UBE2W: variants seen among roughly 807,000 people sequenced by gnomAD.
UBE2W encodes the protein ubiquitin-conjugating enzyme E2 W.
A neutral mutation model predicts 27.2 loss-of-function variants in UBE2W; 18 were observed. The ratio of observed to expected loss-of-function variants is 0.66; its 90% CI spans 0.46 to 0.98. UBE2W has a LOEUF of 0.98. Among genes scored for constraint, UBE2W ranks in the 50% least tolerant of loss-of-function variants. The probability of loss-of-function intolerance (pLI) is 0.00; values close to 1 mark genes in which losing one functional copy is unlikely to be tolerated. For missense variants in UBE2W, 90 were observed against 180.2 expected (o/e 0.50, Z 2.87); for synonymous variants, 53 against 57.2 (o/e 0.93, Z 0.33).
chr8:73,865,453 A>C (rs1022770979), intron 1 of UBE2W, among the ~76,000 whole-genome samples: 8 of 152,180 alleles, frequency 5.3e-5, no homozygotes, highest in African/African-American at 1.9e-4. Context: ...CTCTACCAAA[A>C]ATACAAAAAT....
At position 73,793,051 on chromosome 8, in the gene UBE2W, G is replaced by GA; in HGVS notation, c.*1050dup. On this transcript the variant is annotated 3_prime_UTR_variant, in exon 6 of 6. Transcript: ENST00000602593. ...ACTCACAAGTAAAGAAAATTTACAA[G>GA]AAAAAACTTAACAAAAGTTTCAATA... The GA allele has an allele frequency of 1.0e-6, 1 of 985,436 alleles. No homozygotes were observed. Among genetic ancestry groups the GA allele is most frequent in the East Asian group, 1.1e-4 (1 of 8,816 alleles). The allele number at this position is 985,436 out of a possible 1,614,324, so 61.0% of individuals were successfully genotyped here. A position where few individuals can be genotyped will look rare whatever the true frequency, so the allele number is the denominator to read the frequency against.
chr8:73,824,013 G>A (rs1477939516), intron 3 of UBE2W, among the ~76,000 whole-genome samples: 1 of 152,174 alleles, frequency 6.6e-6, no homozygotes, highest in East Asian at 1.9e-4. Context: ...GTATTTGGTT[G>A]TATTTTCCAG....
At position 73,793,315 on chromosome 8, in the gene UBE2W, C is replaced by G. The variant is rs1411791591; in HGVS notation, c.*787G>C. ...ATCATCACTGCCATTTTTCTTACTT[C>G]CAAAATAAAGCCTTGATTAAACCAT... On this transcript the variant is annotated 3_prime_UTR_variant, in exon 6 of 6. Transcript: ENST00000602593. 3.0e-6 allele frequency: 3 copies of G among 985,660 alleles called. No individual in the cohort carries two copies. Among genetic ancestry groups the G allele is most frequent in the Non-Finnish European group, 3.6e-6 (3 of 829,912 alleles). The allele number at this position is 985,660 out of a possible 1,614,324, so 61.1% of individuals were successfully genotyped here.
At chr8:73,851,741 C>T (rs1351747727) in intron 1 of UBE2W, among the ~76,000 whole-genome samples, 1 of 150,908 alleles carries the variant, frequency 6.6e-6, no homozygotes, top group Admixed American at 6.6e-5. Flanking sequence ...AAAGGACTTA[C>T]TTAGGATGCA....
chr8:73,800,168 GA>G (rs373118932), intron 5 of UBE2W, among the ~76,000 whole-genome samples: 2,857 of 151,784 alleles, frequency 0.019, 74 homozygotes, highest in African/African-American at 0.064. Context: ...AAAAGTGAAG[GA>G]AAAAAAAGTG....
intron 5 of UBE2W, among the ~76,000 whole-genome samples, chr8:73,802,837 C>T (rs1808703065): frequency 6.6e-6 from 1 of 152,126 alleles, no homozygotes; most frequent in South Asian, 2.1e-4. Context: ...TCCTGGCTAA[C>T]ACAGTGAAAC....
downstream of UBE2W, chr8:73,786,133 T>G (rs752237540): frequency 1.2e-6 from 1 of 807,844 alleles, no homozygotes; most frequent in African/African-American, 1.9e-5. Context: ...CTGAGATGTA[T>G]TTAGTTTAAA....
chr8:73,806,440 C>G (rs550946486), intron 4 of UBE2W, among the ~76,000 whole-genome samples: 1 of 150,944 alleles, frequency 6.6e-6, no homozygotes, highest in East Asian at 2.0e-4. Flanking sequence ...TGGCTCACGC[C>G]TGTAATCCCA....
intron 1 of UBE2W, among the ~76,000 whole-genome samples, chr8:73,871,892 AT>A (rs1812021656): frequency 1.3e-5 from 2 of 151,604 alleles, no homozygotes; most frequent in African/African-American, 4.8e-5. Context: ...TTTATTTTTT[AT>A]TTTTATATAA....
At chr8:73,805,107 G>A (rs1157310104) in intron 5 of UBE2W, among the ~76,000 whole-genome samples, 1 of 151,950 alleles carries the variant, frequency 6.6e-6, no homozygotes, top group Non-Finnish European at 1.5e-5. Context: ...GAATGTCAAA[G>A]TAATTTTACA....
chr8:73,831,230 GA>G (rs1442057578), intron 1 of UBE2W: 9 of 363,806 alleles, frequency 2.5e-5, no homozygotes, highest in Admixed American at 4.5e-5. Flanking sequence ...TAGAAGGCAT[GA>G]AAAGATTAAG....
chr8:73,815,630 G>A (rs1326429667), intron 3 of UBE2W, among the ~76,000 whole-genome samples: 2 of 152,122 alleles, frequency 1.3e-5, no homozygotes, highest in African/African-American at 4.8e-5. Flanking sequence ...GCCCAATACT[G>A]AAAGGCCTTA....
At chr8:73,817,122 G>C (rs1239766483) in intron 3 of UBE2W, among the ~76,000 whole-genome samples, 1 of 149,350 alleles carries the variant, frequency 6.7e-6, no homozygotes, top group African/African-American at 2.5e-5. Flanking sequence ...TCAGGAGTTT[G>C]AGACCAGCCT....
Position 73,791,938 on chromosome 8 carries a change from G to A in UBE2W, c.*2164C>T. On this transcript the variant is annotated 3_prime_UTR_variant, in exon 6 of 6. Transcript: ENST00000602593. The stretch of plus-strand genomic sequence containing the variant: ...GCTATATATGACCTATTACTCTATA[G>A]TATAGCATTGTTAATCTTTGACTCA... The A allele has an allele frequency of 1.0e-6, 1 of 985,030 alleles. No individual in the cohort carries two copies. Among genetic ancestry groups the A allele is most frequent in the South Asian group, 4.7e-5 (1 of 21,278 alleles). 61.0% of individuals were successfully genotyped at this position (985,030 alleles called of 1,614,324 possible).
At chr8:73,842,801 C>T (rs1810600973) in intron 1 of UBE2W, among the ~76,000 whole-genome samples, 1 of 151,946 alleles carries the variant, frequency 6.6e-6, no homozygotes, top group African/African-American at 2.4e-5. Context: ...GGCTGTTTTA[C>T]AAAAATGTAG....
Position 73,818,253 on chromosome 8 carries a change from A to G in UBE2W, c.210+6894T>C, listed in dbSNP as rs573872858. Among the ~76,000 whole-genome samples the G allele has an allele frequency of 1.6e-4, 25 of 152,238 alleles. 1 individual carries two copies. In the South Asian group the frequency reaches 5.0e-3, roughly 30 times the overall value. On this transcript the variant is annotated intron_variant, in intron 3 of 5. Coordinates refer to ENST00000602593, the MANE Select transcript of UBE2W (RefSeq NM_018299.6). ...CATACTCCAAATTAATCCATTAGCA[A>G]ATCCTGTTGATTTCAACCTTTAAAA...
rs551957241 is a variant in UBE2W, at chr8:73,786,548, G to A, written c.*7554C>T. 3 of 985,448 alleles carry A rather than the reference G, an allele frequency of 3.0e-6. No homozygotes were observed. Among genetic ancestry groups the A allele is most frequent in the Admixed American group, 6.1e-5 (1 of 16,278 alleles). 61.0% of individuals were successfully genotyped at this position (985,448 alleles called of 1,614,324 possible). On this transcript the variant is annotated 3_prime_UTR_variant, in exon 6 of 6. Coordinates refer to ENST00000602593, the MANE Select transcript of UBE2W (RefSeq NM_018299.6). ...CTGGTAGGGAGAGAAGAAAGGACAAGGATGATAACCTTTCAGCTACCTTTG... is the reference window on the plus strand; with the variant it reads ...CTGGTAGGGAGAGAAGAAAGGACAAAGATGATAACCTTTCAGCTACCTTTG...
rs761722752 is a variant in UBE2W, at chr8:73,786,404, A to T, written c.*7698T>A. The stretch of plus-strand genomic sequence containing the variant: ...AAGCATAACCAAGTTAATTCAATAC[A>T]CACTTATTAAATGCCTATGTGCTAC... On this transcript the variant is annotated 3_prime_UTR_variant, in exon 6 of 6. Transcript: ENST00000602593. 2.8e-5 allele frequency: 28 copies of T among 985,036 alleles called. No homozygotes were observed. The highest frequency in any genetic ancestry group is 3.3e-5 in the Non-Finnish European group (27 of 829,684). 61.0% of individuals were successfully genotyped at this position (985,036 alleles called of 1,614,324 possible).
intron 5 of UBE2W, among the ~76,000 whole-genome samples, chr8:73,800,031 G>T (rs1034683068): frequency 4.6e-5 from 7 of 152,132 alleles, no homozygotes; most frequent in African/African-American, 1.7e-4. Context: ...GATTATCTTT[G>T]TAAGATTACC....
Sources: gnomAD v4.1 joint callset for allele counts (sites outside exome capture counted in the v4.1 genomes callset) on GRCh38, gnomAD v4.1.1 for gene constraint, MANE v1.5 for transcripts, NCBI Gene and HGNC (gene_info 2026-07-23, HGNC 2026-07-21) for gene names.